Variants in INPP4B observed in about 807,000 individuals in gnomAD.
INPP4B encodes inositol polyphosphate 4-phosphatase type II.
INPP4B carries 55 observed loss-of-function variants against 122.5 expected under a neutral mutation model. The ratio of observed to expected loss-of-function variants is 0.45; its 90% CI spans 0.36 to 0.56. The LOEUF (loss-of-function observed/expected upper bound fraction) is 0.56, where lower values mean the gene tolerates loss of function less well. Ranked by LOEUF, INPP4B falls within the 20% of genes least tolerant of loss-of-function variation. The pLI, the probability that INPP4B is intolerant of heterozygous loss-of-function variation, is 0.00. For synonymous variants in INPP4B, 403 were observed against 388.7 expected, an observed-to-expected ratio of 1.04 and a Z score of -0.43; for missense variants, 1,000 against 1,097.7, an observed-to-expected ratio of 0.91 and a Z score of 1.26.
intron 18 of INPP4B, among the ~76,000 whole-genome samples, chr4:142,144,220 GATACAC>G (rs781503860): frequency 2.7e-5 from 2 of 74,262 alleles, no homozygotes; most frequent in Admixed American, 2.0e-4. Context: ...TGAAATACAA[GATACAC>G]ACACACACAC....
intron 2 of INPP4B, among the ~76,000 whole-genome samples, chr4:142,500,320 T>C (rs1823204043): frequency 1.3e-5 from 2 of 152,212 alleles, no homozygotes; most frequent in Non-Finnish European, 2.9e-5. Context: ...TCCTTGCCCC[T>C]GAGGCCAGGA....
chr4:142,505,798 T>A (rs1366827026), intron 2 of INPP4B, among the ~76,000 whole-genome samples: 1 of 152,152 alleles, frequency 6.6e-6, no homozygotes, highest in Non-Finnish European at 1.5e-5. Flanking sequence ...TCCAAGAAAG[T>A]TAAAATCCTT....
intron 8 of INPP4B, among the ~76,000 whole-genome samples, chr4:142,313,463 G>C (rs1008136494): frequency 6.6e-6 from 1 of 152,192 alleles, no homozygotes. Flanking sequence ...GGAGGGTCCA[G>C]TTGGAAGCAG....
At chr4:142,238,155 T>C (rs1025177854) in intron 11 of INPP4B, 144 bp from the exon 12 acceptor site, 1 of 454,028 alleles carries the variant, frequency 2.2e-6, no homozygotes, top group African/African-American at 2.0e-5. Context: ...AATCCATTAG[T>C]GTATCTGAAT....
intron 9 of INPP4B, among the ~76,000 whole-genome samples, chr4:142,295,772 T>A (rs1181503270): frequency 6.6e-6 from 1 of 151,918 alleles, no homozygotes; most frequent in African/African-American, 2.4e-5. Flanking sequence ...TAGAGGACTT[T>A]CAAACTTATT....
rs1282757765 is a variant in INPP4B, at chr4:142,337,717, ATATATATTTTATATATATTTATATATAT to A, written c.373-22983_373-22956del. 8.9e-4 allele frequency among the ~76,000 whole-genome samples: 96 copies of A among 107,604 alleles called. 1 individual carries two copies. The highest frequency in any genetic ancestry group is 1.5e-3 in the Non-Finnish European group (77 of 52,696). 70.6% of individuals were successfully genotyped at this position (107,604 alleles called of 152,430 possible). On this transcript the variant is annotated intron_variant, in intron 7 of 25. Coordinates refer to ENST00000262992, the MANE Select transcript of INPP4B (RefSeq NM_001101669.3). ...TATTATTTTATGTATATTATATATA[ATATATATTTTATATATATTTATATATAT>A]TATATATTTTATATATATTTTATAT... is the stretch of plus-strand genomic sequence containing the variant.
chr4:142,549,525 A>T (rs1727467410), intron 2 of INPP4B, among the ~76,000 whole-genome samples: 1 of 152,176 alleles, frequency 6.6e-6, no homozygotes, highest in African/African-American at 2.4e-5. Flanking sequence ...AGTTGCTGGA[A>T]GGAGCAAGCC....
chr4:142,424,069 T>A (rs1206928224), intron 5 of INPP4B, among the ~76,000 whole-genome samples: 2 of 152,052 alleles, frequency 1.3e-5, no homozygotes, highest in African/African-American at 4.8e-5. Context: ...CATACAGCTC[T>A]CCTACTCTAG....
At chr4:142,297,365 T>G (rs889181644) in intron 9 of INPP4B, among the ~76,000 whole-genome samples, 4 of 152,200 alleles carry the variant, frequency 2.6e-5, no homozygotes, top group African/African-American at 9.6e-5. Flanking sequence ...TAACATAGTT[T>G]GGATGTCCGC....
chr4:142,511,045 T>C (rs952788414), intron 2 of INPP4B, among the ~76,000 whole-genome samples: 3 of 152,184 alleles, frequency 2.0e-5, no homozygotes, highest in African/African-American at 7.2e-5. Context: ...TCATTTTTTA[T>C]TCCTCTATAA....
chr4:142,665,091 T>G (rs1329404647), intron 2 of INPP4B, among the ~76,000 whole-genome samples: 3 of 152,244 alleles, frequency 2.0e-5, no homozygotes, highest in African/African-American at 4.8e-5. Flanking sequence ...TATGATATTA[T>G]AACCTCATCA....
intron 11 of INPP4B, among the ~76,000 whole-genome samples, chr4:142,246,088 ATG>A (rs201517909): frequency 0.023 from 3,407 of 145,006 alleles, 93 homozygotes; most frequent in Non-Finnish European, 0.034. Context: ...CATTATATAT[ATG>A]TGTGTGTGTA....
intron 1 of INPP4B, among the ~76,000 whole-genome samples, chr4:142,803,512 A>T (rs933362673): frequency 2.0e-5 from 3 of 151,946 alleles, no homozygotes; most frequent in African/African-American, 4.8e-5. Flanking sequence ...AGGGGAAAAA[A>T]CTATCTCCAA....
intron 1 of INPP4B, among the ~76,000 whole-genome samples, chr4:142,733,303 A>C (rs549511066): frequency 6.6e-6 from 1 of 152,304 alleles, no homozygotes; most frequent in Non-Finnish European, 1.5e-5. Flanking sequence ...TTAAAGTTTG[A>C]CTGCATTTAA....
chr4:142,597,276 G>A (rs1035455878), intron 2 of INPP4B, among the ~76,000 whole-genome samples: 3 of 152,206 alleles, frequency 2.0e-5, no homozygotes, highest in Admixed American at 2.0e-4. Context: ...AAGATCTGCA[G>A]ATTTCATGTT....
chr4:142,202,616 G>A (rs1841129220), intron 14 of INPP4B: 1 of 291,430 alleles, frequency 3.4e-6, no homozygotes, highest in South Asian at 1.3e-4. Flanking sequence ...AGGCCAAAGA[G>A]GTTAGCTGAC....
At chr4:142,748,955 C>T (rs1159139273) in intron 1 of INPP4B, among the ~76,000 whole-genome samples, 1 of 151,754 alleles carries the variant, frequency 6.6e-6, no homozygotes, top group African/African-American at 2.4e-5. Flanking sequence ...GCCTGGCTAA[C>T]ATGGCAAAAC....
intron 25 of INPP4B, 106 bp downstream of exon 25, chr4:142,081,925 G>T: frequency 2.7e-6 from 2 of 737,604 alleles, no homozygotes; most frequent in Middle Eastern, 4.4e-4. Context: ...ATGCAGTAAA[G>T]TTCTAAAATA....
intron 2 of INPP4B, among the ~76,000 whole-genome samples, chr4:142,533,860 C>T (rs1220505537): frequency 6.6e-6 from 1 of 152,182 alleles, no homozygotes; most frequent in African/African-American, 2.4e-5. Context: ...AGTGCAAGTT[C>T]TGGGAACATG....
Sources: allele counts gnomAD v4.1 joint callset (sites outside exome capture counted in the v4.1 genomes callset), GRCh38; gene constraint gnomAD v4.1.1; transcripts MANE v1.5; gene names NCBI Gene and HGNC (gene_info 2026-07-23, HGNC 2026-07-21).